Variants in BAG4 observed in about 807,000 individuals in gnomAD.
The protein encoded by BAG4 is BAG family molecular chaperone regulator 4.
A neutral mutation model predicts 52.1 loss-of-function variants in BAG4; 28 were observed. The ratio of observed to expected loss-of-function variants is 0.54; its 90% CI spans 0.40 to 0.74. The LOEUF (loss-of-function observed/expected upper bound fraction) is 0.74, where lower values mean the gene tolerates loss of function less well. BAG4 is among the 30% of genes least tolerant of loss of function. The pLI is 0.00. For synonymous variants in BAG4, 208 were observed against 217.0 expected (o/e 0.96, Z 0.37); for missense variants, 525 against 572.0 (o/e 0.92, Z 0.84).
chr8:38,198,118 C>G (rs890368619), intron 2 of BAG4, among the ~76,000 whole-genome samples: 4 of 151,986 alleles, frequency 2.6e-5, no homozygotes, highest in Non-Finnish European at 5.9e-5. Context: ...GGCGCGGTGG[C>G]TCACTCCTGT....
At chr8:38,208,885 T>C in intron 3 of BAG4, 128 bp from the exon 4 acceptor site, 1 of 1,166,800 alleles carries the variant, frequency 8.6e-7, no homozygotes, top group Non-Finnish European at 1.2e-6. Flanking sequence ...TTTACTACAG[T>C]TTAGTCCGGT....
Position 38,210,582 on chromosome 8 carries a change from G to A in BAG4, c.*89G>A, listed in dbSNP as rs377003478. ...TTACCCTCTTTTTGAAATGCCTGTTGATGACAAGAAGCAATACATTCCAGC... is the reference window on the plus strand; with the variant it reads ...TTACCCTCTTTTTGAAATGCCTGTTAATGACAAGAAGCAATACATTCCAGC... On this transcript the variant is annotated 3_prime_UTR_variant, in exon 5 of 5. Transcript: ENST00000287322. The A allele has an allele frequency of 2.1e-5, 31 of 1,447,966 alleles. No homozygotes were observed. In the East Asian group the frequency reaches 4.6e-4, roughly 22 times the overall value. 89.7% of individuals were successfully genotyped at this position (1,447,966 alleles called of 1,614,324 possible). A position where few individuals can be genotyped will look rare whatever the true frequency, so the allele number is the denominator to read the frequency against.
At chr8:38,182,883 A>ATT (rs1463165708) in intron 1 of BAG4, among the ~76,000 whole-genome samples, 1 of 152,102 alleles carries the variant, frequency 6.6e-6, no homozygotes, top group Non-Finnish European at 1.5e-5. Context: ...CATTGAGGAC[A>ATT]TTCTTTTTTT....
chr8:38,176,932 C>A lies in BAG4; in HGVS notation c.63C>A (p.Tyr21Ter). ...ACGGTCCGTCCTACGGCCGCTACTACGGGCCTGGGGGTGGAGATGTGCCGG... is the reference window on the plus strand; with the variant it reads ...ACGGTCCGTCCTACGGCCGCTACTAAGGGCCTGGGGGTGGAGATGTGCCGG... ...PSDGPSYGRY[Y>*]GPGGGDVPVH... The change falls in exon 1 of 5, where the codon TAC (tyrosine) becomes TAA (stop). Residue 21 changes from tyrosine to a stop codon, truncating the protein, a stop_gained. Coordinates refer to ENST00000287322, the MANE Select transcript of BAG4 (RefSeq NM_004874.4). LOFTEE classifies it high-confidence loss of function. 6.4e-7 allele frequency: 1 copy of A among 1,552,608 alleles called. No individual in the cohort carries two copies. The highest frequency in any genetic ancestry group is 8.7e-7 in the Non-Finnish European group (1 of 1,148,368).
At chr8:38,205,345 G>A (rs7822485) in intron 2 of BAG4, among the ~76,000 whole-genome samples, 1,825 of 150,154 alleles carry the variant, frequency 0.012, 33 homozygotes, top group African/African-American at 0.042. Flanking sequence ...GAGTCTGTGC[G>A]CCTAGCCATA....
At chr8:38,187,828 C>G (rs1273002563) in intron 1 of BAG4, among the ~76,000 whole-genome samples, 4 of 142,684 alleles carry the variant, frequency 2.8e-5, no homozygotes, top group African/African-American at 5.2e-5. Context: ...CGAGACCATT[C>G]TGGCTAACAT....
At chr8:38,199,823 C>T (rs1803630123) in intron 2 of BAG4, among the ~76,000 whole-genome samples, 1 of 151,598 alleles carries the variant, frequency 6.6e-6, no homozygotes, top group Admixed American at 6.6e-5. Flanking sequence ...GCGCCCAGCC[C>T]GATTTCTTCT....
rs376268617 is a variant in BAG4, at chr8:38,176,860, A to G, written c.-10A>G. The G allele has an allele frequency of 5.5e-5, 83 of 1,496,270 alleles. No individual in the cohort carries two copies. Among genetic ancestry groups the G allele is most frequent in the Admixed American group, 7.2e-5 (3 of 41,440 alleles). The allele number at this position is 1,496,270 out of a possible 1,614,324, so 92.7% of individuals were successfully genotyped here. On this transcript the variant is annotated 5_prime_UTR_variant, in exon 1 of 5. Coordinates refer to ENST00000287322, the MANE Select transcript of BAG4 (RefSeq NM_004874.4). ...AGCGGGGCGGGAAGCGCTTCAGGGC[A>G]GCGGATCCCATGTCGGCCCTGAGGC... is the stretch of plus-strand genomic sequence containing the variant.
chr8:38,209,424 TC>T, intron 4 of BAG4, 157 bp downstream of exon 4: 1 of 965,194 alleles, frequency 1.0e-6, no homozygotes, highest in Non-Finnish European at 1.5e-6. Context: ...GTTTCCTTTT[TC>T]TTTTTTTTAA....
chr8:38,176,911 T>A lies in BAG4; in HGVS notation c.42T>A (p.Gly14=). The change falls in exon 1 of 5, where the codon GGT becomes GGA. Residue 14 remains glycine, a synonymous_variant. Transcript: ENST00000287322. The part of the protein sequence containing the change: ...LRRSGYGPSD[G]PSYGRYYGPG... Reference sequence around the variant, plus strand: ...GCTCGGGCTACGGCCCCAGTGACGGTCCGTCCTACGGCCGCTACTACGGGC... The same window carrying A: ...GCTCGGGCTACGGCCCCAGTGACGGACCGTCCTACGGCCGCTACTACGGGC... 6.5e-7 allele frequency: 1 copy of A among 1,548,366 alleles called. No homozygotes were observed. The highest frequency in any genetic ancestry group is 2.4e-5 in the East Asian group (1 of 40,896).
In BAG4 at chr8:38,187,905, C is replaced by T. The variant is rs1270902711; in HGVS notation, c.271-4783C>T. Among the ~76,000 whole-genome samples, 10 of 147,494 alleles carry T rather than the reference C, an allele frequency of 6.8e-5. No individual in the cohort carries two copies. In the South Asian group the frequency reaches 1.3e-3, roughly 19 times the overall value. ...AAAAAAAATTAGCCGGGCGTGGTGG[C>T]GGGCGCCTGTAGTCCCAGCTACTTG... On this transcript the variant is annotated intron_variant, in intron 1 of 4. Coordinates refer to ENST00000287322, the MANE Select transcript of BAG4 (RefSeq NM_004874.4).
rs758224495 is a variant in BAG4, at chr8:38,211,202, CTTTTTTTTT to C, written c.*723_*731del. On this transcript the variant is annotated 3_prime_UTR_variant, in exon 5 of 5. Transcript: ENST00000287322. ...ATCATTAGGTTAGAGTTTTTTTCTT[CTTTTTTTTT>C]TTTTTTTTTTTTTACCACTTCTGCT... 4.3e-5 allele frequency: 4 copies of C among 93,674 alleles called. No homozygotes were observed. Among genetic ancestry groups the C allele is most frequent in the African/African-American group, 1.6e-4 (4 of 25,360 alleles). 5.8% of individuals were successfully genotyped at this position (93,674 alleles called of 1,614,324 possible). A position where few individuals can be genotyped will look rare whatever the true frequency, so the allele number is the denominator to read the frequency against.
At chr8:38,180,304 C>G (rs1417625000) in intron 1 of BAG4, among the ~76,000 whole-genome samples, 1 of 151,836 alleles carries the variant, frequency 6.6e-6, no homozygotes. Flanking sequence ...AGGTGGATCA[C>G]CTGAGGTCAG....
intron 2 of BAG4, chr8:38,201,872 ATATATATATTTTTTTTTTTTT>A (rs1803679682): frequency 1.9e-4 from 1 of 5,286 alleles, no homozygotes; most frequent in Non-Finnish European, 3.7e-4. Flanking sequence ...ATATATATAT[ATATATATATTTTTTTTTTTTT>A]TTTTTTTTTT....
At chr8:38,196,509 C>T (rs1224513748) in intron 2 of BAG4, among the ~76,000 whole-genome samples, 7 of 151,784 alleles carry the variant, frequency 4.6e-5, no homozygotes, top group South Asian at 2.1e-4. Context: ...AAAAATTAGC[C>T]GGGCGTGGTG....
At chr8:38,208,611 A>G (rs2130692720) in intron 3 of BAG4, among the ~76,000 whole-genome samples, 1 of 152,212 alleles carries the variant, frequency 6.6e-6, no homozygotes, top group Admixed American at 6.5e-5. Context: ...GCGCCTGGCC[A>G]GGTTCATGTT....
intron 2 of BAG4, among the ~76,000 whole-genome samples, chr8:38,206,779 T>C (rs539873926): frequency 9.9e-5 from 15 of 151,992 alleles, no homozygotes; most frequent in Admixed American, 2.0e-4. Flanking sequence ...AAATAATTTT[T>C]TTGTTTTCTT....
rs1465785930 is a variant in BAG4, at chr8:38,210,519, T to A, written c.*26T>A. The A allele has an allele frequency of 5.9e-6, 9 of 1,534,714 alleles. No individual in the cohort carries two copies. The highest frequency in any genetic ancestry group is 7.8e-6 in the Non-Finnish European group (9 of 1,146,944). On this transcript the variant is annotated 3_prime_UTR_variant, in exon 5 of 5. Transcript: ENST00000287322. The stretch of plus-strand genomic sequence containing the variant: ...AAGGATTTAGAACAAAGTGGAAGCC[T>A]GTTACTAACTTGACCAAAGAACACT...
intron 1 of BAG4, among the ~76,000 whole-genome samples, chr8:38,177,733 G>T (rs563013655): frequency 9.4e-4 from 143 of 151,896 alleles, no homozygotes; most frequent in African/African-American, 3.3e-3. Flanking sequence ...CCTTTTTTTT[G>T]TTTTCGAATA....
Sources: gnomAD v4.1 joint callset for allele counts (sites outside exome capture counted in the v4.1 genomes callset) on GRCh38, gnomAD v4.1.1 for gene constraint, MANE v1.5 for transcripts, NCBI Gene and HGNC (gene_info 2026-07-23, HGNC 2026-07-21) for gene names.